TRIM33: variants seen among roughly 807,000 people sequenced by gnomAD.
TRIM33 encodes the protein tripartite motif containing 33.
TRIM33 carries 20 observed loss-of-function variants against 125.4 expected under a neutral mutation model. The ratio of observed to expected loss-of-function variants is 0.16; its 90% CI spans 0.11 to 0.23. TRIM33 has a LOEUF of 0.23. TRIM33 is among the 10% of genes least tolerant of loss of function. The pLI is 1.00. For synonymous variants in TRIM33, 564 were observed against 513.9 expected, an observed-to-expected ratio of 1.10 and a Z score of -1.32; for missense variants, 920 against 1,411.4, an observed-to-expected ratio of 0.65 and a Z score of 5.58.
At chr1:114,430,164 A>AC (rs1373507421) in intron 6 of TRIM33, among the ~76,000 whole-genome samples, 1 of 152,068 alleles carries the variant, frequency 6.6e-6, no homozygotes, top group Non-Finnish European at 1.5e-5. Flanking sequence ...TTGAGGCCCC[A>AC]TCTTAAGGGG....
intron 4 of TRIM33, among the ~76,000 whole-genome samples, chr1:114,436,293 T>C (rs930342805): frequency 4.0e-5 from 6 of 149,836 alleles, no homozygotes; most frequent in Non-Finnish European, 5.9e-5. Context: ...TCCCAGCTAG[T>C]TGAGATGCGG....
chr1:114,453,114 A>C (rs1271167926), intron 4 of TRIM33, among the ~76,000 whole-genome samples: 4 of 152,174 alleles, frequency 2.6e-5, no homozygotes, highest in African/African-American at 9.7e-5. Flanking sequence ...CTGTAATCGC[A>C]GCACTTTGGG....
intron 4 of TRIM33, among the ~76,000 whole-genome samples, chr1:114,452,452 C>G (rs77457946): frequency 0.044 from 6,600 of 151,706 alleles, 157 homozygotes; most frequent in South Asian, 0.063. Flanking sequence ...GAGTGAGACT[C>G]TGTCTCAAAA....
chr1:114,456,472 T>C (rs1404488723), intron 4 of TRIM33, among the ~76,000 whole-genome samples: 1 of 152,178 alleles, frequency 6.6e-6, no homozygotes, highest in East Asian at 1.9e-4. Flanking sequence ...CCTGAAGTAG[T>C]TCCGCCATAG....
chr1:114,501,341 G>C (rs1002373743), intron 1 of TRIM33, among the ~76,000 whole-genome samples: 3 of 149,790 alleles, frequency 2.0e-5, no homozygotes, highest in Non-Finnish European at 4.5e-5. Context: ...CCTCAAAAGC[G>C]GCTCTTTCAC....
chr1:114,494,173 G>A (rs1652234749), intron 1 of TRIM33, among the ~76,000 whole-genome samples: 1 of 151,692 alleles, frequency 6.6e-6, no homozygotes, highest in South Asian at 2.1e-4. Context: ...TGTTGCCCAA[G>A]CGAGTCTTGA....
chr1:114,479,444 A>G (rs1026998137), intron 1 of TRIM33, among the ~76,000 whole-genome samples: 1 of 152,214 alleles, frequency 6.6e-6, no homozygotes, highest in Non-Finnish European at 1.5e-5. Flanking sequence ...TTCATTAAAA[A>G]TATGGAGGCC....
At chr1:114,487,162 T>TA (rs1184823954) in intron 1 of TRIM33, among the ~76,000 whole-genome samples, 4 of 147,772 alleles carry the variant, frequency 2.7e-5, no homozygotes, top group Admixed American at 1.3e-4. Flanking sequence ...TAAACCTACA[T>TA]ATAAAAAAAC....
At chr1:114,508,744 AT>A (rs1464860495) in intron 1 of TRIM33, among the ~76,000 whole-genome samples, 1 of 152,038 alleles carries the variant, frequency 6.6e-6, no homozygotes, top group African/African-American at 2.4e-5. Context: ...CCATCCCTCC[AT>A]TCCCATAGCC....
chr1:114,481,838 C>A (rs1427618464), intron 1 of TRIM33, among the ~76,000 whole-genome samples: 1 of 151,968 alleles, frequency 6.6e-6, no homozygotes, highest in Non-Finnish European at 1.5e-5. Context: ...CACCTCACTG[C>A]AACCTCCGCC....
At chr1:114,409,470 T>C (rs1384833389) in intron 12 of TRIM33, among the ~76,000 whole-genome samples, 1 of 152,234 alleles carries the variant, frequency 6.6e-6, no homozygotes, top group Non-Finnish European at 1.5e-5. Context: ...CAATGTTTCA[T>C]TATTTTACTA....
rs1647494380 is a variant in TRIM33 at position 114,425,332 on chromosome 1, T to C, written c.1695+117A>G. The stretch of plus-strand genomic sequence containing the variant: ...ATAGCAAATATTTAAACTCTGACTT[T>C]TGAACTCTGCTCAGTCTTGCTAGTA... On this transcript the variant is annotated intron_variant, in intron 9 of 19. Coordinates refer to ENST00000358465, the MANE Select transcript of TRIM33 (RefSeq NM_015906.4). 3 of 1,345,160 alleles carry C rather than the reference T, an allele frequency of 2.2e-6. No individual in the cohort carries two copies. In the South Asian group the frequency reaches 4.2e-5, roughly 19 times the overall value. 83.3% of individuals were successfully genotyped at this position (1,345,160 alleles called of 1,614,324 possible).
intron 1 of TRIM33, among the ~76,000 whole-genome samples, 164 bp from the exon 2 acceptor site, chr1:114,464,552 T>C (rs1289463483): frequency 6.6e-6 from 1 of 152,226 alleles, no homozygotes; most frequent in Admixed American, 6.5e-5. Flanking sequence ...GTAAAAGTGA[T>C]ACTCTATTTA....
intron 1 of TRIM33, among the ~76,000 whole-genome samples, chr1:114,507,534 G>A (rs978536309): frequency 2.0e-5 from 3 of 152,168 alleles, no homozygotes; most frequent in African/African-American, 7.2e-5. Context: ...ATCTGAGGTT[G>A]ATCAATAATA....
chr1:114,448,820 C>T (rs1384396699), intron 4 of TRIM33, among the ~76,000 whole-genome samples: 1 of 150,886 alleles, frequency 6.6e-6, no homozygotes, highest in Non-Finnish European at 1.5e-5. Flanking sequence ...GATGTGGCCA[C>T]AGAGAGGAAT....
intron 4 of TRIM33, 34 bp downstream of exon 4, chr1:114,463,069 TA>T (rs1406142366): frequency 6.5e-7 from 1 of 1,528,240 alleles, no homozygotes; most frequent in African/African-American, 1.4e-5. Flanking sequence ...GCACTTTTTA[TA>T]GTATTTCCTG....
intron 4 of TRIM33, among the ~76,000 whole-genome samples, chr1:114,434,474 T>C (rs1489432144): frequency 6.6e-6 from 1 of 152,236 alleles, no homozygotes; most frequent in African/African-American, 2.4e-5. Context: ...AAACATCACA[T>C]CAACACCAGT....
In TRIM33 at chr1:114,437,512, T is replaced by C. The variant is rs368529381; in HGVS notation, c.924-3779A>G. Among the ~76,000 whole-genome samples, 11 of 152,258 alleles carry C rather than the reference T, an allele frequency of 7.2e-5. No individual in the cohort carries two copies. The East Asian group carries it at 1.9e-3, about 27-fold the overall frequency. On this transcript the variant is annotated intron_variant, in intron 4 of 19. Transcript: ENST00000358465. ...AGTCACGACACCCAGCTAATTTTTGTATTTTTAGTAGAGATGGGGCGTCAC... is the reference window on the plus strand; with the variant it reads ...AGTCACGACACCCAGCTAATTTTTGCATTTTTAGTAGAGATGGGGCGTCAC...
intron 4 of TRIM33, among the ~76,000 whole-genome samples, chr1:114,451,657 C>T (rs1053455377): frequency 2.0e-5 from 3 of 151,770 alleles, no homozygotes; most frequent in Non-Finnish European, 4.4e-5. Flanking sequence ...AAAAATAAAA[C>T]ATGTGGGCTG....
Sources: gnomAD v4.1 joint callset for allele counts (sites outside exome capture counted in the v4.1 genomes callset) on GRCh38, gnomAD v4.1.1 for gene constraint, MANE v1.5 for transcripts, NCBI Gene and HGNC (gene_info 2026-07-23, HGNC 2026-07-21) for gene names.